Variants in WDFY4 observed in about 807,000 individuals in gnomAD.
WDFY4 encodes WDFY family member 4, also known as WD repeat- and FYVE domain-containing protein 4.
WDFY4 carries 169 observed loss-of-function variants against 351.9 expected under a neutral mutation model. The observed-to-expected ratio is 0.48, with a 90% CI of 0.42 to 0.55. The LOEUF (loss-of-function observed/expected upper bound fraction) is 0.55. Among genes scored for constraint, WDFY4 ranks in the 20% least tolerant of loss-of-function variants. The probability of loss-of-function intolerance (pLI) is 0.00; values close to 1 mark genes in which losing one functional copy is unlikely to be tolerated. For missense variants in WDFY4, 3,803 were observed against 3,935.6 expected, an observed-to-expected ratio of 0.97 and a Z score of 0.90; for synonymous variants, 1,622 against 1,574.6, an observed-to-expected ratio of 1.03 and a Z score of -0.71.
intron 57 of WDFY4, among the ~76,000 whole-genome samples, chr10:48,972,843 C>G (rs1468934828): frequency 6.6e-6 from 1 of 152,130 alleles, no homozygotes; most frequent in Non-Finnish European, 1.5e-5. Context: ...CCGGGGTTTT[C>G]TTTTTGCTAT....
chr10:48,776,123 A>G (rs1053752453), intron 15 of WDFY4, among the ~76,000 whole-genome samples: 3 of 152,208 alleles, frequency 2.0e-5, no homozygotes, highest in Non-Finnish European at 4.4e-5. Context: ...AGAGGTGTGC[A>G]GGGAAGGCTT....
chr10:48,810,529 G>A lies in WDFY4; in HGVS notation c.4839-1G>A. 6.4e-7 allele frequency: 1 copy of A among 1,550,510 alleles called. No individual in the cohort carries two copies. The highest frequency in any genetic ancestry group is 8.7e-7 in the Non-Finnish European group (1 of 1,146,636). ...CATTGGTTGCATTTATTAATCCCCA[G>A]GTCAAAGGAAGAGATGTTTCTGAAA... On this transcript the variant is annotated splice_acceptor_variant, in intron 28 of 61. Transcript: ENST00000325239. LOFTEE classifies it high-confidence loss of function.
At chr10:48,706,801 A>T (rs1026917441) in intron 1 of WDFY4, among the ~76,000 whole-genome samples, 1 of 152,180 alleles carries the variant, frequency 6.6e-6, no homozygotes. Context: ...TCATTACAGT[A>T]TTTTTTTATA....
rs1006250681 is a variant in WDFY4 at position 48,700,258 on chromosome 10, A to G, written c.-17-9458A>G. Among the ~76,000 whole-genome samples, 49 of 152,178 alleles carry G rather than the reference A, an allele frequency of 3.2e-4. 1 individual carries two copies. The highest frequency in any genetic ancestry group is 3.2e-3 in the Admixed American group (49 of 15,284). On this transcript the variant is annotated intron_variant, in intron 1 of 61. Coordinates refer to ENST00000325239, the MANE Select transcript of WDFY4 (RefSeq NM_001394531.1). ...TGGAGGCTGTCATTCCACTGACATGAGTCCCCTCACCTACACTTCCCTCCT... is the reference window on the plus strand; with the variant it reads ...TGGAGGCTGTCATTCCACTGACATGGGTCCCCTCACCTACACTTCCCTCCT...
chr10:48,760,959 G>C (rs2065484256), intron 13 of WDFY4, among the ~76,000 whole-genome samples: 1 of 152,200 alleles, frequency 6.6e-6, no homozygotes, highest in Non-Finnish European at 1.5e-5. Flanking sequence ...GAGCTCACAA[G>C]TGAATATGAA....
Position 48,974,519 on chromosome 10 carries a change from A to AAAAGAAAAAAACAAC in WDFY4, c.8929-340_8929-339insGAAAAAAACAACAAA, listed in dbSNP as rs1554824235. ...CTCCGTCTCAAAAAAAAAAAAAAAAAAAAAAAAAAACAACTCATGACATGA... is the reference window on the plus strand; with the variant it reads ...CTCCGTCTCAAAAAAAAAAAAAAAAAAAAGAAAAAAACAACAAAAAAAAAACAACTCATGACATGA... On this transcript the variant is annotated intron_variant, in intron 57 of 61. Coordinates refer to ENST00000325239, the MANE Select transcript of WDFY4 (RefSeq NM_001394531.1). 5.4e-4 allele frequency among the ~76,000 whole-genome samples: 27 copies of AAAAGAAAAAAACAAC among 49,924 alleles called. 6 individuals carry two copies. The highest frequency in any genetic ancestry group is 8.6e-4 in the Non-Finnish European group (24 of 27,748). The allele number at this position is 49,924 out of a possible 152,430, so 32.8% of individuals were successfully genotyped here.
chr10:48,792,887 G>A (rs571899426), intron 23 of WDFY4, among the ~76,000 whole-genome samples: 19 of 152,134 alleles, frequency 1.2e-4, no homozygotes, highest in East Asian at 1.9e-4. Context: ...GTGGGTGGGC[G>A]CGGTGAGCTC....
Position 48,970,304 on chromosome 10 carries a change from G to C in WDFY4, c.8928+15G>C, listed in dbSNP as rs563972812. 6.5e-7 allele frequency: 1 copy of C among 1,548,062 alleles called. No homozygotes were observed. Among genetic ancestry groups the C allele is most frequent in the Non-Finnish European group, 8.7e-7 (1 of 1,146,898 alleles). ...GCCTCCGGCAGGTATGGTCCAGCTC[G>C]TGCAGGTGCGGTCCTCAGGTGGGGA... is the stretch of plus-strand genomic sequence containing the variant. On this transcript the variant is annotated intron_variant, in intron 57 of 61. Coordinates refer to ENST00000325239, the MANE Select transcript of WDFY4 (RefSeq NM_001394531.1).
intron 39 of WDFY4, among the ~76,000 whole-genome samples, chr10:48,844,313 C>T (rs192221420): frequency 8.5e-5 from 13 of 152,138 alleles, no homozygotes; most frequent in Admixed American, 7.2e-4. Context: ...GAGTCCAGGC[C>T]GGGTGCAGTG....
intron 28 of WDFY4, among the ~76,000 whole-genome samples, chr10:48,810,187 A>C (rs2067400354): frequency 1.3e-5 from 2 of 152,212 alleles, no homozygotes; most frequent in South Asian, 4.1e-4. Context: ...TGGTAATTAA[A>C]TTAGATGGGT....
intron 24 of WDFY4, among the ~76,000 whole-genome samples, chr10:48,796,840 T>C (rs1405882404): frequency 1.3e-5 from 2 of 152,198 alleles, no homozygotes; most frequent in Admixed American, 6.5e-5. Context: ...TGTTTCCAAA[T>C]GATTCTTGAA....
In WDFY4 at chr10:48,891,480, T is replaced by A. The variant is rs535133639; in HGVS notation, c.7316+753T>A. ...CAAAAGTCCAGTTGTCAAGTGTATG[T>A]TTTCACTTGATCATTGTCTTTGAAG... On this transcript the variant is annotated intron_variant, in intron 44 of 61. Transcript: ENST00000325239. Among the ~76,000 whole-genome samples the A allele has an allele frequency of 2.6e-3, 400 of 152,360 alleles. 3 individuals are homozygous for A. Among genetic ancestry groups the A allele is most frequent in the African/African-American group, 8.5e-3 (355 of 41,586 alleles).
intron 47 of WDFY4, among the ~76,000 whole-genome samples, chr10:48,914,496 G>A (rs192120856): frequency 6.6e-6 from 1 of 152,086 alleles, no homozygotes; most frequent in Non-Finnish European, 1.5e-5. Flanking sequence ...GCCATGCCCC[G>A]ACTTATAAAT....
At chr10:48,879,499 G>A (rs760153329) in intron 43 of WDFY4, among the ~76,000 whole-genome samples, 13 of 152,120 alleles carry the variant, frequency 8.5e-5, no homozygotes, top group Non-Finnish European at 1.8e-4. Context: ...CTTTATATTC[G>A]CTTTCTATCT....
intron 10 of WDFY4, among the ~76,000 whole-genome samples, chr10:48,735,620 AT>A (rs144929823): frequency 0.011 from 1,653 of 149,510 alleles, 34 homozygotes; most frequent in African/African-American, 0.037. Context: ...GATGTTAGTC[AT>A]TTTTTTTTTC....
rs138932706 is a variant in WDFY4, at chr10:48,761,978, T to A, written c.2553+1538T>A. 7.3e-4 allele frequency among the ~76,000 whole-genome samples: 111 copies of A among 152,366 alleles called. 2 individuals carry two copies. The East Asian group carries it at 0.019, about 26-fold the overall frequency. On this transcript the variant is annotated intron_variant, in intron 13 of 61. Transcript: ENST00000325239. ...GCCCAGTTGTGAACCTGGTATTGAA[T>A]GTGGCCTTACCTTGGGGCAGGACTC... is the stretch of plus-strand genomic sequence containing the variant.
intron 38 of WDFY4, among the ~76,000 whole-genome samples, chr10:48,831,510 A>G (rs541292210): frequency 2.0e-5 from 3 of 152,342 alleles, no homozygotes; most frequent in South Asian, 2.1e-4. Context: ...GCAGTGATTC[A>G]AGAGTTAGTT....
intron 18 of WDFY4, 52 bp downstream of exon 18, chr10:48,778,884 G>A: frequency 5.2e-6 from 8 of 1,532,980 alleles, no homozygotes; most frequent in Non-Finnish European, 2.6e-6. Flanking sequence ...GGGAAATGGG[G>A]CTAAGTCAGA....
intron 60 of WDFY4, chr10:48,978,709 C>G (rs1378100387): frequency 3.8e-6 from 1 of 261,786 alleles, no homozygotes; most frequent in Non-Finnish European, 7.3e-6. Context: ...CGCATCACAT[C>G]CATCACAGCT....
Sources: allele counts gnomAD v4.1 joint callset (sites outside exome capture counted in the v4.1 genomes callset), GRCh38; gene constraint gnomAD v4.1.1; transcripts MANE v1.5; gene names NCBI Gene and HGNC (gene_info 2026-07-23, HGNC 2026-07-21).